ABCB5: variants seen among roughly 807,000 people sequenced by gnomAD.
ABCB5 encodes ATP-binding cassette sub-family B member 5.
ABCB5 carries 155 observed loss-of-function variants against 144.2 expected under a neutral mutation model. The observed-to-expected ratio is 1.08, with a 90% CI of 0.94 to 1.23. The LOEUF (loss-of-function observed/expected upper bound fraction) is 1.23, where lower values mean the gene tolerates loss of function less well. ABCB5 is among the 50% of genes most tolerant of loss of function. The probability of loss-of-function intolerance (pLI) is 0.00; values close to 1 mark genes in which losing one functional copy is unlikely to be tolerated. For synonymous variants in ABCB5, 610 were observed against 528.6 expected (o/e 1.15, Z -2.11); for missense variants, 1,830 against 1,520.8 (o/e 1.20, Z -3.38).
chr7:20,712,368 A>G (rs772642977), intron 20 of ABCB5, among the ~76,000 whole-genome samples: 1 of 148,616 alleles, frequency 6.7e-6, no homozygotes, highest in Non-Finnish European at 1.5e-5. Flanking sequence ...CTTGTTTCTT[A>G]TGCTTGAAGT....
intron 23 of ABCB5, among the ~76,000 whole-genome samples, chr7:20,731,362 A>AT (rs1312447594): frequency 5.8e-5 from 5 of 86,156 alleles, no homozygotes; most frequent in African/African-American, 2.4e-4. Flanking sequence ...CAGGAAAAAA[A>AT]AAAAAAAATA....
chr7:20,664,016 A>T (rs923543895), intron 14 of ABCB5, among the ~76,000 whole-genome samples: 5 of 136,004 alleles, frequency 3.7e-5, no homozygotes, highest in Non-Finnish European at 6.2e-5. Context: ...GCGCCCAGTC[A>T]GGCAATTTTT....
rs773459085 is a variant in ABCB5 at position 20,728,323 on chromosome 7, C to T, written c.2735C>T (p.Ser912Leu). Reference protein sequence around the residue: ...EMLQTQHRNTSKKAQIIGSCY... With the variant: ...EMLQTQHRNTLKKAQIIGSCY... ...AATTTTGTACATTCCAGAAATACCT[C>T]GAAGAAAGCACAGATTATTGGAAGC... Residue 912 changes from serine (S) to leucine (L), a missense_variant, in exon 23 of 28, where the codon TCG becomes TTG. Physicochemically the swap from Ser to Leu is moderately radical, Grantham distance 145. Transcript: ENST00000404938. The T allele has an allele frequency of 8.7e-6, 14 of 1,613,560 alleles. No individual in the cohort carries two copies. Among genetic ancestry groups the T allele is most frequent in the Middle Eastern group, 1.6e-4 (1 of 6,078 alleles).
chr7:20,733,252 T>C (rs1782279991), intron 23 of ABCB5, among the ~76,000 whole-genome samples: 1 of 152,150 alleles, frequency 6.6e-6, no homozygotes, highest in African/African-American at 2.4e-5. Context: ...TGTGAAATTA[T>C]TTTTTAAATA....
chr7:20,645,062 A>C (rs1784372940), intron 7 of ABCB5, among the ~76,000 whole-genome samples: 1 of 152,220 alleles, frequency 6.6e-6, no homozygotes, highest in Admixed American at 6.5e-5. Context: ...TATTGTATTC[A>C]TTGATCATGG....
At chr7:20,668,614 C>A in intron 14 of ABCB5, among the ~76,000 whole-genome samples, 1 of 149,572 alleles carries the variant, frequency 6.7e-6, no homozygotes, top group African/African-American at 2.5e-5. Flanking sequence ...AGCCCCCCGC[C>A]CGGCCAGCCG....
chr7:20,727,224 G>C (rs1243569035), intron 22 of ABCB5, 84 bp downstream of exon 22: 1 of 881,394 alleles, frequency 1.1e-6, no homozygotes, highest in South Asian at 1.9e-5. Context: ...TGGTTTGCCT[G>C]CTAATTCATT....
At chr7:20,711,271 A>T (rs1280992230) in intron 20 of ABCB5, among the ~76,000 whole-genome samples, 1 of 149,144 alleles carries the variant, frequency 6.7e-6, no homozygotes, top group Middle Eastern at 3.4e-3. Flanking sequence ...CTAGGTACCT[A>T]TTTCCATTGG....
intron 17 of ABCB5, 40 bp from the exon 18 acceptor site, chr7:20,699,784 AT>A: frequency 1.5e-6 from 2 of 1,354,060 alleles, no homozygotes; most frequent in African/African-American, 1.5e-5. Context: ...TTTCTTTTAT[AT>A]TTTCCCCCAA....
intron 23 of ABCB5, among the ~76,000 whole-genome samples, chr7:20,737,891 A>G (rs564249614): frequency 6.6e-6 from 1 of 152,354 alleles, no homozygotes; most frequent in African/African-American, 2.4e-5. Context: ...ATGCCTTGAC[A>G]TCACTGAACT....
chr7:20,720,811 GTGC>G (rs1781836703), intron 20 of ABCB5, among the ~76,000 whole-genome samples: 2 of 151,722 alleles, frequency 1.3e-5, no homozygotes, highest in African/African-American at 4.8e-5. Flanking sequence ...GGGCATGGTG[GTGC>G]GCGCCTGTAG....
rs114743760 is a variant in ABCB5, at chr7:20,617,685, A to T, written c.-22+1848A>T. ...AAAAATCGCATTTTTATAATGGATT[A>T]AAAATATATAATCTAACTGTATGCT... On this transcript the variant is annotated intron_variant, in intron 1 of 27. Coordinates refer to ENST00000404938, the MANE Select transcript of ABCB5 (RefSeq NM_001163941.2). Among the ~76,000 whole-genome samples the T allele has an allele frequency of 8.4e-3, 1,285 of 152,330 alleles. 17 individuals are homozygous for T. The highest frequency in any genetic ancestry group is 0.03 in the African/African-American group (1,237 of 41,580).
chr7:20,636,690 C>T (rs1221440939), intron 5 of ABCB5, among the ~76,000 whole-genome samples: 1 of 146,794 alleles, frequency 6.8e-6, no homozygotes, highest in East Asian at 2.0e-4. Flanking sequence ...AAAGTTGAGG[C>T]AGGAGAATCA....
chr7:20,721,333 T>C (rs905375519), intron 20 of ABCB5, among the ~76,000 whole-genome samples: 5 of 152,206 alleles, frequency 3.3e-5, no homozygotes, highest in African/African-American at 9.6e-5. Flanking sequence ...TCCTCATCTA[T>C]TGTACGGGAC....
At chr7:20,722,877 A>C (rs1047611429) in intron 20 of ABCB5, 139 bp from the exon 21 acceptor site, 2 of 622,654 alleles carry the variant, frequency 3.2e-6, no homozygotes, top group African/African-American at 3.7e-5. Flanking sequence ...TTTAATCTCA[A>C]AGTATAAATT....
At chr7:20,659,463 A>T in intron 14 of ABCB5, 1 of 1,078,960 alleles carries the variant, frequency 9.3e-7, no homozygotes, top group East Asian at 6.4e-5. Flanking sequence ...CCAGAAACGG[A>T]TACTGGCAGG....
intron 14 of ABCB5, chr7:20,659,198 A>T (rs1281202107): frequency 1.9e-6 from 3 of 1,608,578 alleles, no homozygotes; most frequent in Non-Finnish European, 2.5e-6. Context: ...GCTACTGCAC[A>T]TACCTCAAGG....
chr7:20,696,320 G>T (rs1786412973), intron 16 of ABCB5, among the ~76,000 whole-genome samples: 1 of 152,090 alleles, frequency 6.6e-6, no homozygotes, highest in Non-Finnish European at 1.5e-5. Flanking sequence ...CTGAAAAGGA[G>T]TAGATAATGT....
chr7:20,744,915 T>C (rs10236887), intron 25 of ABCB5, among the ~76,000 whole-genome samples: 126,489 of 152,088 alleles, frequency 0.83, 52,679 homozygotes, highest in East Asian at 0.86. Flanking sequence ...GTGTTGTTAT[T>C]TATTTATGTG....
Sources: gnomAD v4.1 joint callset for allele counts (sites outside exome capture counted in the v4.1 genomes callset) on GRCh38, gnomAD v4.1.1 for gene constraint, MANE v1.5 for transcripts, NCBI Gene and HGNC (gene_info 2026-07-23, HGNC 2026-07-21) for gene names.